The following FLRT1 variants were observed in gnomAD, a reference collection of about 807,000 sequenced individuals.
FLRT1 encodes leucine-rich repeat transmembrane protein FLRT1.
FLRT1 carries 14 observed loss-of-function variants against 30.9 expected under a neutral mutation model. The observed-to-expected ratio is 0.45, with a 90% CI of 0.30 to 0.71. The LOEUF (loss-of-function observed/expected upper bound fraction) is 0.71. Among genes scored for constraint, FLRT1 ranks in the 30% least tolerant of loss-of-function variants. The pLI is 0.08. For missense variants in FLRT1, 737 were observed against 949.2 expected, an observed-to-expected ratio of 0.78 and a Z score of 2.94; for synonymous variants, 368 against 430.4, an observed-to-expected ratio of 0.85 and a Z score of 1.80.
chr11:64,057,253 A>G (rs1001269066), intron 1 of FLRT1, among the ~76,000 whole-genome samples: 1 of 152,256 alleles, frequency 6.6e-6, no homozygotes, highest in African/African-American at 2.4e-5. Flanking sequence ...GGGACGGGAC[A>G]GCCCATTGGT....
At chr11:64,062,115 G>T (rs1943917108) in intron 1 of FLRT1, among the ~76,000 whole-genome samples, 1 of 151,942 alleles carries the variant, frequency 6.6e-6, no homozygotes, top group South Asian at 2.1e-4. Context: ...GTGCTGAAAT[G>T]CCCCTCTCCT....
chr11:64,083,794 G>A (rs533994157), intron 1 of FLRT1, among the ~76,000 whole-genome samples: 1 of 152,336 alleles, frequency 6.6e-6, no homozygotes, highest in South Asian at 2.1e-4. Context: ...CCAAGGTCAA[G>A]GGGTGAGTCA....
chr11:64,078,178 C>T (rs918680465), intron 1 of FLRT1, among the ~76,000 whole-genome samples: 1 of 152,220 alleles, frequency 6.6e-6, no homozygotes, highest in Non-Finnish European at 1.5e-5. Context: ...GCTCTGTGCC[C>T]GCCCCAGAGA....
intron 2 of FLRT1, among the ~76,000 whole-genome samples, chr11:64,112,048 C>G (rs1944872083): frequency 1.3e-5 from 2 of 152,222 alleles, no homozygotes; most frequent in Admixed American, 6.5e-5. Context: ...CTCCTTCTGC[C>G]AGGGGACCAT....
At chr11:64,105,056 T>C (rs1222301489) in intron 2 of FLRT1, among the ~76,000 whole-genome samples, 1 of 152,240 alleles carries the variant, frequency 6.6e-6, no homozygotes, top group Non-Finnish European at 1.5e-5. Context: ...GGGACATTCG[T>C]CAGCACGGCG....
Position 64,117,174 on chromosome 11 carries a change from A to G in FLRT1, c.907A>G (p.Asn303Asp). 1 of 1,614,056 alleles carries G rather than the reference A, an allele frequency of 6.2e-7. No individual in the cohort carries two copies. Among genetic ancestry groups the G allele is most frequent in the Non-Finnish European group, 8.5e-7 (1 of 1,180,018 alleles). ...MRELERLDLS[N>D]NNLTTLPRGL... Reference sequence around the variant, plus strand: ...TGAGCTGGAGCGGCTGGACCTGTCCAACAACAACCTGACCACGCTGCCCCG... The same window carrying G: ...TGAGCTGGAGCGGCTGGACCTGTCCGACAACAACCTGACCACGCTGCCCCG... Residue 303 changes from asparagine (N) to aspartate (D), a missense_variant, in exon 3 of 3, where the codon AAC becomes GAC. Asn to Asp is a conservative substitution (Grantham distance 23). Transcript: ENST00000682287.
intron 2 of FLRT1, among the ~76,000 whole-genome samples, chr11:64,108,666 C>T (rs1303969208): frequency 2.6e-5 from 4 of 152,228 alleles, no homozygotes; most frequent in African/African-American, 2.4e-5. Flanking sequence ...TGGCCTTTCC[C>T]GCTCTGGGGC....
intron 1 of FLRT1, among the ~76,000 whole-genome samples, chr11:64,047,335 A>G (rs1943603455): frequency 6.6e-6 from 1 of 152,094 alleles, no homozygotes; most frequent in African/African-American, 2.4e-5. Flanking sequence ...CCATTTTAAG[A>G]AGGCGAAACC....
intron 1 of FLRT1, among the ~76,000 whole-genome samples, chr11:64,062,720 G>A (rs764369250): frequency 1.4e-4 from 21 of 152,268 alleles, no homozygotes; most frequent in African/African-American, 3.1e-4. Context: ...GTCCTGCCCC[G>A]CGCAGCCTGA....
chr11:64,051,663 C>T (rs746721921), intron 1 of FLRT1, among the ~76,000 whole-genome samples: 3 of 152,320 alleles, frequency 2.0e-5, no homozygotes, highest in East Asian at 1.9e-4. Context: ...CAGCCCTCTC[C>T]GAGCTCACGG....
intron 2 of FLRT1, among the ~76,000 whole-genome samples, chr11:64,112,282 G>A (rs552556846): frequency 8.5e-5 from 13 of 152,310 alleles, no homozygotes; most frequent in African/African-American, 3.1e-4. Flanking sequence ...GAGAGGCCCA[G>A]GGAGGTGGAT....
intron 1 of FLRT1, among the ~76,000 whole-genome samples, chr11:64,099,691 G>GAGGGATGGATGC (rs2134552439): frequency 6.6e-6 from 1 of 152,038 alleles, no homozygotes; most frequent in South Asian, 2.1e-4. Context: ...GGGATGGATG[G>GAGGGATGGATGC]ATGAAGAGTT....
chr11:64,100,631 G>C (rs993715508), intron 1 of FLRT1, among the ~76,000 whole-genome samples: 1 of 152,220 alleles, frequency 6.6e-6, no homozygotes, highest in Non-Finnish European at 1.5e-5. Flanking sequence ...CTTTGGTTCA[G>C]TGAATGCAGG....
intron 1 of FLRT1, among the ~76,000 whole-genome samples, chr11:64,062,342 G>C (rs147840957): frequency 2.0e-5 from 3 of 152,284 alleles, no homozygotes; most frequent in African/African-American, 7.2e-5. Flanking sequence ...GGAGTCCTGC[G>C]TCTGTGGCTG....
chr11:64,059,428 G>T (rs1455472798), intron 1 of FLRT1, among the ~76,000 whole-genome samples: 1 of 152,164 alleles, frequency 6.6e-6, no homozygotes, highest in African/African-American at 2.4e-5. Flanking sequence ...GTCCCCCCAG[G>T]GTTGGAGGCT....
chr11:64,065,437 C>T (rs917136055), intron 1 of FLRT1, among the ~76,000 whole-genome samples: 2 of 152,164 alleles, frequency 1.3e-5, no homozygotes, highest in African/African-American at 2.4e-5. Context: ...AGAACATTTA[C>T]TGAGGCTCCA....
Position 64,116,252 on chromosome 11 carries a change from C to G in FLRT1, c.-16C>G. ...GCTCCAGGCCAGGTGGGGCCGGACG[C>G]CCCCAGCCATCCACCATGGTGGTGG... On this transcript the variant is annotated 5_prime_UTR_variant, in exon 3 of 3. Coordinates refer to ENST00000682287, the MANE Select transcript of FLRT1 (RefSeq NM_013280.5). 1 of 1,588,000 alleles carries G rather than the reference C, an allele frequency of 6.3e-7. No homozygotes were observed. Among genetic ancestry groups the G allele is most frequent in the Non-Finnish European group, 8.5e-7 (1 of 1,171,348 alleles).
chr11:64,074,240 G>A (rs568634073), intron 1 of FLRT1, among the ~76,000 whole-genome samples: 3 of 152,304 alleles, frequency 2.0e-5, no homozygotes, highest in South Asian at 2.1e-4. Context: ...AATGCAGTTC[G>A]TGGGGTTCTT....
intron 1 of FLRT1, among the ~76,000 whole-genome samples, chr11:64,088,036 G>A (rs1195474593): frequency 6.6e-6 from 1 of 152,172 alleles, no homozygotes; most frequent in African/African-American, 2.4e-5. Context: ...GGAGGCCCTG[G>A]TGGCCCTGTC....
Sources: allele counts gnomAD v4.1 joint callset (sites outside exome capture counted in the v4.1 genomes callset), GRCh38; gene constraint gnomAD v4.1.1; transcripts MANE v1.5; gene names NCBI Gene and HGNC (gene_info 2026-07-23, HGNC 2026-07-21).